KSR2: variants seen among roughly 807,000 people sequenced by gnomAD.
KSR2 encodes the protein kinase suppressor of ras 2.
Under a neutral mutation model 107.8 loss-of-function variants are expected in KSR2, and 25 were observed. The ratio of observed to expected loss-of-function variants is 0.23; its 90% CI spans 0.17 to 0.32. KSR2 has a LOEUF of 0.32. Among genes scored for constraint, KSR2 ranks in the 10% least tolerant of loss-of-function variants. The pLI is 1.00. For missense variants in KSR2, 887 were observed against 1,268.9 expected, an observed-to-expected ratio of 0.70 and a Z score of 4.57; for synonymous variants, 480 against 507.0, an observed-to-expected ratio of 0.95 and a Z score of 0.71.
chr12:117,656,989 T>TATATATATATATATAATAGG (rs1565947183), intron 5 of KSR2, among the ~76,000 whole-genome samples: 3 of 37,760 alleles, frequency 7.9e-5, no homozygotes, highest in African/African-American at 2.2e-4. Flanking sequence ...AGGATATATA[T>TATATATATATATATAATAGG]ATATATATAT....
Position 117,812,842 on chromosome 12 carries a change from C to CAAAAAAA in KSR2, c.472+42579_472+42585dup, listed in dbSNP as rs3073170. ...GGAACCACAAAAGACCCCAAATAGCCAAAAAAAAAAAAAAAAATCATCCTG... is the reference window on the plus strand; with the variant it reads ...GGAACCACAAAAGACCCCAAATAGCCAAAAAAAAAAAAAAAAAAAAAAAATCATCCTG... On this transcript the variant is annotated intron_variant, in intron 3 of 19. Coordinates refer to ENST00000339824, the MANE Select transcript of KSR2 (RefSeq NM_173598.6). Among the ~76,000 whole-genome samples the CAAAAAAA allele has an allele frequency of 9.9e-3, 948 of 95,370 alleles. 26 individuals are homozygous for CAAAAAAA. Among genetic ancestry groups the CAAAAAAA allele is most frequent in the African/African-American group, 0.046 (771 of 16,938 alleles). 62.6% of individuals were successfully genotyped at this position (95,370 alleles called of 152,430 possible).
intron 1 of KSR2, among the ~76,000 whole-genome samples, chr12:117,892,903 A>G (rs967079942): frequency 6.6e-6 from 1 of 151,742 alleles, no homozygotes; most frequent in Non-Finnish European, 1.5e-5. Flanking sequence ...GCCCTGTCCC[A>G]TGTCCTAATC....
intron 4 of KSR2, among the ~76,000 whole-genome samples, chr12:117,724,526 CT>C (rs754711748): frequency 5.1e-4 from 77 of 152,154 alleles, no homozygotes; most frequent in Non-Finnish European, 9.6e-4. Flanking sequence ...GGCTTTGCTG[CT>C]GGTAGCCACA....
At position 117,855,277 on chromosome 12, in the gene KSR2, GT is replaced by G. The variant is rs1385793487; in HGVS notation, c.472+150del. On this transcript the variant is annotated intron_variant, in intron 3 of 19. Transcript: ENST00000339824. ...GTGTCTTCCGGCCTCCAAATCCCAGGTCCACGCTGCCTCTTCCTGCGTTTCG... is the reference window on the plus strand; with the variant it reads ...GTGTCTTCCGGCCTCCAAATCCCAGGCCACGCTGCCTCTTCCTGCGTTTCG... 1.0e-5 allele frequency: 10 copies of G among 969,302 alleles called. No homozygotes were observed. In the African/African-American group the frequency reaches 1.3e-4, roughly 13 times the overall value. The allele number at this position is 969,302 out of a possible 1,614,324, so 60.0% of individuals were successfully genotyped here. A position where few individuals can be genotyped will look rare whatever the true frequency, so the allele number is the denominator to read the frequency against.
At chr12:117,685,345 C>A (rs1368195479) in intron 4 of KSR2, among the ~76,000 whole-genome samples, 6 of 152,244 alleles carry the variant, frequency 3.9e-5, no homozygotes, top group African/African-American at 4.8e-5. Flanking sequence ...CTCGTGACAG[C>A]CCTCATTATT....
chr12:117,757,367 T>C (rs116999088), intron 4 of KSR2, among the ~76,000 whole-genome samples: 1,661 of 152,350 alleles, frequency 0.011, 15 homozygotes, highest in Middle Eastern at 0.02. Flanking sequence ...AAGTGGTTTC[T>C]TGAGATGGAA....
At chr12:117,834,149 T>TAAA (rs201936852) in intron 3 of KSR2, among the ~76,000 whole-genome samples, 1 of 132,764 alleles carries the variant, frequency 7.5e-6, no homozygotes, top group African/African-American at 2.7e-5. Context: ...TCAAAAAAAA[T>TAAA]AAAAAAAAAA....
chr12:117,738,832 G>A (rs1353672935), intron 4 of KSR2, among the ~76,000 whole-genome samples: 2 of 152,152 alleles, frequency 1.3e-5, no homozygotes, highest in African/African-American at 2.4e-5. Flanking sequence ...CCGAGATTGC[G>A]CCACTGCACT....
chr12:117,671,507 A>G (rs779668559), intron 4 of KSR2, among the ~76,000 whole-genome samples: 1 of 152,348 alleles, frequency 6.6e-6, no homozygotes, highest in Non-Finnish European at 1.5e-5. Flanking sequence ...AGCCTGGCAC[A>G]TAGTAGGTGC....
Position 117,527,053 on chromosome 12 carries a change from C to T in KSR2, c.1851+18G>A, listed in dbSNP as rs1249113564. The T allele has an allele frequency of 1.2e-6, 2 of 1,612,070 alleles. No homozygotes were observed. The highest frequency in any genetic ancestry group is 2.7e-5 in the African/African-American group (2 of 74,856). On this transcript the variant is annotated intron_variant, in intron 13 of 19. Coordinates refer to ENST00000339824, the MANE Select transcript of KSR2 (RefSeq NM_173598.6). Reference sequence around the variant, plus strand: ...GCAGTCCCTGGAAAATGTCGCTTCACTGCTCTCTGATTCTCACCTCCGACG... The same window carrying T: ...GCAGTCCCTGGAAAATGTCGCTTCATTGCTCTCTGATTCTCACCTCCGACG...
intron 3 of KSR2, among the ~76,000 whole-genome samples, chr12:117,821,875 A>G (rs1481202184): frequency 6.6e-6 from 1 of 152,180 alleles, no homozygotes; most frequent in South Asian, 2.1e-4. Context: ...CTTGAACAGA[A>G]GTTGGGTAAA....
chr12:117,578,055 G>T (rs1187800910), intron 7 of KSR2, among the ~76,000 whole-genome samples: 2 of 152,106 alleles, frequency 1.3e-5, no homozygotes, highest in Non-Finnish European at 2.9e-5. Context: ...CTTGAATGGG[G>T]GTGTGGAAGA....
chr12:117,751,072 G>A (rs906035898), intron 4 of KSR2, among the ~76,000 whole-genome samples: 1 of 152,176 alleles, frequency 6.6e-6, no homozygotes. Flanking sequence ...GATGGACCAG[G>A]TGCAGATAAA....
intron 1 of KSR2, among the ~76,000 whole-genome samples, chr12:117,865,642 C>T (rs1340121495): frequency 6.6e-6 from 1 of 152,076 alleles, no homozygotes; most frequent in Admixed American, 6.6e-5. Flanking sequence ...CAGGTGTGAG[C>T]CACCATGCCC....
At chr12:117,678,473 A>G (rs1187588826) in intron 4 of KSR2, among the ~76,000 whole-genome samples, 1 of 152,040 alleles carries the variant, frequency 6.6e-6, no homozygotes, top group Non-Finnish European at 1.5e-5. Context: ...ATGACCCAAG[A>G]GCTTGACCAC....
intron 7 of KSR2, among the ~76,000 whole-genome samples, chr12:117,571,473 T>A (rs1030048114): frequency 6.6e-6 from 1 of 152,004 alleles, no homozygotes; most frequent in Non-Finnish European, 1.5e-5. Context: ...CTGAACCACC[T>A]GGGGAAGGGG....
intron 16 of KSR2, among the ~76,000 whole-genome samples, chr12:117,478,749 C>G (rs1281578795): frequency 6.6e-6 from 1 of 152,192 alleles, no homozygotes; most frequent in Admixed American, 6.5e-5. Flanking sequence ...GCCACTGCTC[C>G]TAGCCCTGAA....
chr12:117,895,321 C>A (rs1894479368), intron 1 of KSR2, among the ~76,000 whole-genome samples: 1 of 152,094 alleles, frequency 6.6e-6, no homozygotes, highest in Admixed American at 6.6e-5. Flanking sequence ...ACTGGCCTTA[C>A]CCTACTCCAG....
intron 1 of KSR2, among the ~76,000 whole-genome samples, chr12:117,931,725 G>A (rs1895699853): frequency 6.6e-6 from 1 of 152,152 alleles, no homozygotes; most frequent in South Asian, 2.1e-4. Flanking sequence ...TTTCCAAATA[G>A]AGCTGAGAAG....
Sources: allele counts gnomAD v4.1 joint callset (sites outside exome capture counted in the v4.1 genomes callset), GRCh38; gene constraint gnomAD v4.1.1; transcripts MANE v1.5; gene names NCBI Gene and HGNC (gene_info 2026-07-23, HGNC 2026-07-21).